Variants in HCN1 observed in about 807,000 individuals in gnomAD.
HCN1 encodes hyperpolarization activated cyclic nucleotide gated potassium channel 1, also known as potassium/sodium hyperpolarization-activated cyclic nucleotide-gated channel 1.
HCN1 carries 13 observed loss-of-function variants against 78.9 expected under a neutral mutation model. The observed-to-expected ratio is 0.16, with a 90% CI of 0.11 to 0.26. The LOEUF is 0.26. Among genes scored for constraint, HCN1 ranks in the 10% least tolerant of loss-of-function variants. The pLI, the probability that HCN1 is intolerant of heterozygous loss-of-function variation, is 1.00. For missense variants in HCN1, 810 were observed against 1,154.3 expected (o/e 0.70, Z 4.32); for synonymous variants, 552 against 455.5 (o/e 1.21, Z -2.70).
intron 2 of HCN1, among the ~76,000 whole-genome samples, chr5:45,593,132 T>C (rs1744408446): frequency 6.6e-6 from 1 of 152,208 alleles, no homozygotes; most frequent in South Asian, 2.1e-4. Context: ...GTTTTTCCTA[T>C]ATTCTGTACA....
chr5:45,602,488 C>T (rs1461187303), intron 2 of HCN1, among the ~76,000 whole-genome samples: 1 of 152,038 alleles, frequency 6.6e-6, no homozygotes, highest in Non-Finnish European at 1.5e-5. Context: ...TTTTAGCCTC[C>T]AAAACAGTGA....
At chr5:45,673,730 G>A (rs1746203265) in intron 1 of HCN1, among the ~76,000 whole-genome samples, 1 of 151,498 alleles carries the variant, frequency 6.6e-6, no homozygotes, top group Admixed American at 6.6e-5. Context: ...GTTTTCTATA[G>A]CTACAATTAA....
intron 2 of HCN1, among the ~76,000 whole-genome samples, chr5:45,589,074 T>A (rs1419731680): frequency 6.6e-6 from 1 of 152,120 alleles, no homozygotes; most frequent in Non-Finnish European, 1.5e-5. Context: ...GAAATGAGAA[T>A]AAATTCCCAG....
chr5:45,695,965 C>G lies in HCN1; in HGVS notation c.129G>C (p.Pro43=). The G allele has an allele frequency of 7.5e-7, 1 of 1,325,860 alleles. No homozygotes were observed. The highest frequency in any genetic ancestry group is 2.0e-5 in the South Asian group (1 of 49,612). 82.1% of individuals were successfully genotyped at this position (1,325,860 alleles called of 1,614,324 possible). A position where few individuals can be genotyped will look rare whatever the true frequency, so the allele number is the denominator to read the frequency against. The stretch of plus-strand genomic sequence containing the variant: ...CCTTCGCGCCGGCCCCGCCGCCCCC[C>G]GGCGGGGTGCCCAGGCGCTTCTCGG... ...AAAEKRLGTP[P]GGGGAGAKEH... The change falls in exon 1 of 8, where the codon CCG becomes CCC. Residue 43 remains proline, a synonymous_variant. Coordinates refer to ENST00000303230, the MANE Select transcript of HCN1 (RefSeq NM_021072.4).
At chr5:45,336,691 T>TA (rs556414414) in intron 5 of HCN1, among the ~76,000 whole-genome samples, 258 of 151,556 alleles carry the variant, frequency 1.7e-3, no homozygotes, top group Middle Eastern at 6.8e-3. Context: ...GGCTTATGAA[T>TA]AAAAAAAAAT....
chr5:45,387,101 T>A (rs1747937717), intron 4 of HCN1, among the ~76,000 whole-genome samples: 1 of 151,986 alleles, frequency 6.6e-6, no homozygotes, highest in Admixed American at 6.6e-5. Flanking sequence ...ACTGGTATAG[T>A]CAGAAAAAAA....
chr5:45,692,731 C>T (rs1291694216), intron 1 of HCN1, among the ~76,000 whole-genome samples: 1 of 152,038 alleles, frequency 6.6e-6, no homozygotes, highest in Non-Finnish European at 1.5e-5. Context: ...AGCTAGCTCT[C>T]TGAAAGTCTC....
At chr5:45,555,575 G>A (rs1743452860) in intron 2 of HCN1, among the ~76,000 whole-genome samples, 1 of 151,700 alleles carries the variant, frequency 6.6e-6, no homozygotes, top group Non-Finnish European at 1.5e-5. Flanking sequence ...CACATACACA[G>A]AGACACTAGC....
At chr5:45,284,108 A>G (rs977417557) in intron 6 of HCN1, among the ~76,000 whole-genome samples, 1 of 152,078 alleles carries the variant, frequency 6.6e-6, no homozygotes, top group African/African-American at 2.4e-5. Flanking sequence ...TCATGAACAC[A>G]AAGAAGGGAA....
intron 2 of HCN1, among the ~76,000 whole-genome samples, chr5:45,488,195 C>T (rs1232711576): frequency 6.6e-6 from 1 of 152,062 alleles, no homozygotes; most frequent in African/African-American, 2.4e-5. Context: ...CGACCTGTCC[C>T]TACACTTATA....
intron 1 of HCN1, among the ~76,000 whole-genome samples, chr5:45,649,103 A>C (rs187386220): frequency 6.6e-6 from 1 of 152,074 alleles, no homozygotes; most frequent in East Asian, 1.9e-4. Context: ...GTACACATAC[A>C]GGAGATATGA....
intron 1 of HCN1, 133 bp downstream of exon 1, chr5:45,695,536 C>G (rs1035726655): frequency 1.0e-4 from 89 of 863,590 alleles, no homozygotes; most frequent in East Asian, 5.6e-4. Context: ...CTGCTTAGCC[C>G]GAGCCGACGC....
chr5:45,389,391 C>T (rs1404032658), intron 4 of HCN1, among the ~76,000 whole-genome samples: 1 of 152,144 alleles, frequency 6.6e-6, no homozygotes, highest in African/African-American at 2.4e-5. Flanking sequence ...AATCTCTTAT[C>T]TCGCCTGTAC....
At chr5:45,315,334 A>G (rs1231698680) in intron 5 of HCN1, among the ~76,000 whole-genome samples, 1 of 152,216 alleles carries the variant, frequency 6.6e-6, no homozygotes, top group Non-Finnish European at 1.5e-5. Context: ...CAGCGAAATG[A>G]AGGCAGAAAT....
Position 45,695,771 on chromosome 5 carries a change from T to C in HCN1, c.323A>G (p.Lys108Arg). 1.2e-6 allele frequency: 2 copies of C among 1,612,116 alleles called. No individual in the cohort carries two copies. The highest frequency in any genetic ancestry group is 1.7e-6 in the Non-Finnish European group (2 of 1,179,640). The change falls in exon 1 of 8, where the codon AAA (lysine) becomes AGA (arginine). Residue 108 changes from lysine (K) to arginine (R), a missense_variant. Around this residue, in one of 6 missense-constraint regions of HCN1, gnomAD observed 104 missense variants for 402.8 expected, o/e 0.26. Transcript: ENST00000303230. ...GCTCCCAAACATGCGGAGGGAGAAT[T>C]TGTTGACCCCGGGCTGCAGCATGGA... ...FTSMLQPGVN[K>R]FSLRMFGSQK...
Position 45,374,017 on chromosome 5 carries a change from TATTATATATATTATATAC to T in HCN1, c.1231-20789_1231-20772del, listed in dbSNP as rs1450430629. Among the ~76,000 whole-genome samples the T allele has an allele frequency of 1.7e-4, 19 of 108,754 alleles. 1 individual carries two copies. Among genetic ancestry groups the T allele is most frequent in the African/African-American group, 7.0e-4 (19 of 27,058 alleles). The allele number at this position is 108,754 out of a possible 152,430, so 71.3% of individuals were successfully genotyped here. A position where few individuals can be genotyped will look rare whatever the true frequency, so the allele number is the denominator to read the frequency against. On this transcript the variant is annotated intron_variant, in intron 4 of 7. Coordinates refer to ENST00000303230, the MANE Select transcript of HCN1 (RefSeq NM_021072.4). ...TAATATATATTATATACATAATATA[TATTATATATATTATATAC>T]ATAATATATATTATATATATTATAT...
chr5:45,471,120 AT>A (rs1741382172), intron 2 of HCN1, among the ~76,000 whole-genome samples: 1 of 151,924 alleles, frequency 6.6e-6, no homozygotes, highest in Non-Finnish European at 1.5e-5. Context: ...TCCTTCAAGC[AT>A]TTATCAAAAC....
At chr5:45,323,607 C>T (rs1357327229) in intron 5 of HCN1, among the ~76,000 whole-genome samples, 2 of 151,788 alleles carry the variant, frequency 1.3e-5, no homozygotes, top group African/African-American at 4.8e-5. Context: ...AGTACATATG[C>T]ACAACGTGCA....
At chr5:45,373,246 T>C (rs1250001098) in intron 4 of HCN1, among the ~76,000 whole-genome samples, 3 of 120,452 alleles carry the variant, frequency 2.5e-5, no homozygotes, top group African/African-American at 9.9e-5. Flanking sequence ...TTATATATAA[T>C]ATATATTTTA....
Sources: allele counts gnomAD v4.1 joint callset (sites outside exome capture counted in the v4.1 genomes callset), GRCh38; gene constraint gnomAD v4.1.1; regional missense constraint gnomAD v4.1.1; transcripts MANE v1.5; gene names NCBI Gene and HGNC (gene_info 2026-07-23, HGNC 2026-07-21).